Variants in TGM3 observed in about 807,000 individuals in gnomAD.
TGM3 encodes the protein protein-glutamine gamma-glutamyltransferase E.
Under a neutral mutation model 73.8 loss-of-function variants are expected in TGM3, and 52 were observed. The ratio of observed to expected loss-of-function variants is 0.70; its 90% CI spans 0.56 to 0.89. TGM3 has a LOEUF of 0.89. Ranked by LOEUF, TGM3 falls within the 40% of genes least tolerant of loss-of-function variation. The pLI is 0.00. For synonymous variants in TGM3, 372 were observed against 354.9 expected (o/e 1.05, Z -0.54); for missense variants, 928 against 909.9 (o/e 1.02, Z -0.26).
chr20:2,310,279 A>T lies in TGM3; in HGVS notation c.283A>T (p.Thr95Ser). The change falls in exon 3 of 13, where the codon ACT becomes TCT. Residue 95 changes from threonine to serine, a missense_variant. Thr to Ser is a moderately conservative substitution (Grantham distance 58). Transcript: ENST00000381458. ...SAVLQASNGN[T>S]LTISISSPAS... ...GGTGCTTCAGGCCAGCAATGGCAAT[A>T]CTCTGACTATCAGCATCTCCAGTCC... 6.2e-7 allele frequency: 1 copy of T among 1,614,150 alleles called. No homozygotes were observed. Among genetic ancestry groups the T allele is most frequent in the Non-Finnish European group, 8.5e-7 (1 of 1,180,016 alleles).
intron 1 of TGM3, among the ~76,000 whole-genome samples, chr20:2,299,019 C>T (rs1194658967): frequency 6.6e-6 from 1 of 152,064 alleles, no homozygotes; most frequent in Non-Finnish European, 1.5e-5. Flanking sequence ...CGTATTTCAG[C>T]GTTTGTTCCT....
chr20:2,329,740 C>T lies in TGM3; in HGVS notation c.1333+1375C>T, dbSNP rs548665165. Among the ~76,000 whole-genome samples the T allele has an allele frequency of 1.1e-3, 164 of 152,298 alleles. 1 individual carries two copies. The highest frequency in any genetic ancestry group is 3.8e-3 in the African/African-American group (156 of 41,560). ...AAGTTTCCTCTGATCTCTGAGCCCT[C>T]GCTTCCTCACCCGAAGAATGAGAAG... On this transcript the variant is annotated intron_variant, in intron 9 of 12. Transcript: ENST00000381458.
At chr20:2,319,600 T>A (rs542252981) in intron 7 of TGM3, among the ~76,000 whole-genome samples, 1 of 152,224 alleles carries the variant, frequency 6.6e-6, no homozygotes, top group Non-Finnish European at 1.5e-5. Flanking sequence ...TAGGAGCTGA[T>A]GGAGACATTC....
At chr20:2,310,060 G>A (rs2084194956) in intron 2 of TGM3, 118 bp from the exon 3 acceptor site, 1 of 1,473,014 alleles carries the variant, frequency 6.8e-7, no homozygotes, top group Non-Finnish European at 9.2e-7. Flanking sequence ...TACTTCCAGT[G>A]GTAGAATATG....
intron 1 of TGM3, among the ~76,000 whole-genome samples, chr20:2,297,246 T>C (rs214762): frequency 0.74 from 112,593 of 152,134 alleles, 43,563 homozygotes; most frequent in East Asian, 0.93. Context: ...CTTTCCACCA[T>C]GTCCTGCTGC....
At chr20:2,317,618 G>A (rs1204461858) in intron 7 of TGM3, 133 bp downstream of exon 7, 2 of 1,273,228 alleles carry the variant, frequency 1.6e-6, no homozygotes, top group East Asian at 2.4e-5. Flanking sequence ...GTGTAGAATG[G>A]AACTGCTGGC....
chr20:2,305,644 A>G (rs45446196), intron 1 of TGM3, among the ~76,000 whole-genome samples: 1 of 152,176 alleles, frequency 6.6e-6, no homozygotes, highest in South Asian at 2.1e-4. Flanking sequence ...AGTCTCGCAC[A>G]TCCCACAGCC....
intron 11 of TGM3, 98 bp downstream of exon 11, chr20:2,335,371 G>A (rs964016378): frequency 8.1e-5 from 119 of 1,473,226 alleles, no homozygotes; most frequent in Non-Finnish European, 1.1e-4. Context: ...TCTCCCAGAG[G>A]GCAAAGGAGA....
At chr20:2,306,975 T>C (rs2084179492) in intron 1 of TGM3, among the ~76,000 whole-genome samples, 1 of 152,198 alleles carries the variant, frequency 6.6e-6, no homozygotes, top group Non-Finnish European at 1.5e-5. Flanking sequence ...GGGCTGTCTC[T>C]GTTGGTTATT....
Position 2,309,772 on chromosome 20 carries a change from A to G in TGM3, c.123A>G (p.Leu41=). ...ILRRGQNFQV[L]MIMNKGLGSN... ...GGAGAGGCCAAAACTTCCAGGTCTTAATGATCATGAACAAAGGCCTTGGCT... is the reference window on the plus strand; with the variant it reads ...GGAGAGGCCAAAACTTCCAGGTCTTGATGATCATGAACAAAGGCCTTGGCT... The change falls in exon 2 of 13, where the codon TTA becomes TTG. Residue 41 remains leucine, a synonymous_variant. Transcript: ENST00000381458. The G allele has an allele frequency of 6.2e-7, 1 of 1,614,186 alleles. No individual in the cohort carries two copies. Among genetic ancestry groups the G allele is most frequent in the Non-Finnish European group, 8.5e-7 (1 of 1,180,030 alleles).
chr20:2,305,184 C>G (rs907578588), intron 1 of TGM3, among the ~76,000 whole-genome samples: 3 of 152,114 alleles, frequency 2.0e-5, no homozygotes, highest in Admixed American at 2.0e-4. Context: ...GTGATGAAAT[C>G]AACCTCCAGT....
Position 2,310,281 on chromosome 20 carries a change from TCTGA to T in TGM3, c.288_291del (p.Thr97SerfsTer11). 1.2e-6 allele frequency: 2 copies of T among 1,614,212 alleles called. No individual in the cohort carries two copies. Among genetic ancestry groups the T allele is most frequent in the Non-Finnish European group, 1.7e-6 (2 of 1,180,024 alleles). On this transcript the variant is annotated frameshift_variant, in exon 3 of 13. Transcript: ENST00000381458. LOFTEE classifies it high-confidence loss of function. Reference sequence around the variant, plus strand: ...TGCTTCAGGCCAGCAATGGCAATACTCTGACTATCAGCATCTCCAGTCCTGCCAG... The same window carrying T: ...TGCTTCAGGCCAGCAATGGCAATACTCTATCAGCATCTCCAGTCCTGCCAG...
intron 7 of TGM3, among the ~76,000 whole-genome samples, chr20:2,319,084 TG>T (rs2084250281): frequency 6.6e-6 from 1 of 152,244 alleles, no homozygotes; most frequent in Admixed American, 6.5e-5. Context: ...GGCCAGACTT[TG>T]TTTTCCAACT....
intron 1 of TGM3, 71 bp downstream of exon 1, chr20:2,296,141 G>C: frequency 6.5e-7 from 1 of 1,538,746 alleles, no homozygotes; most frequent in South Asian, 1.2e-5. Context: ...AGCCTGCCAA[G>C]CCAGAGTGTC....
intron 5 of TGM3, among the ~76,000 whole-genome samples, chr20:2,316,818 G>A (rs368767719): frequency 3.9e-5 from 6 of 152,178 alleles, no homozygotes; most frequent in East Asian, 1.9e-4. Flanking sequence ...CAGGAATGAC[G>A]TATGGATCAA....
At chr20:2,337,964 C>A (rs2084360299) in intron 11 of TGM3, among the ~76,000 whole-genome samples, 1 of 152,172 alleles carries the variant, frequency 6.6e-6, no homozygotes, top group South Asian at 2.1e-4. Context: ...TTAAATGACT[C>A]CTGATCTTCC....
At chr20:2,329,518 A>G (rs2084307869) in intron 9 of TGM3, among the ~76,000 whole-genome samples, 1 of 152,210 alleles carries the variant, frequency 6.6e-6, no homozygotes, top group African/African-American at 2.4e-5. Context: ...TCTGAGCCCC[A>G]TACTGAGTGC....
intron 4 of TGM3, among the ~76,000 whole-genome samples, chr20:2,312,466 C>T (rs2084210930): frequency 6.7e-6 from 1 of 150,082 alleles, no homozygotes; most frequent in African/African-American, 2.5e-5. Flanking sequence ...TGAGTTTGGC[C>T]TAATTATACA....
At chr20:2,335,013 C>T in intron 10 of TGM3, 103 bp from the exon 11 acceptor site, 3 of 1,438,568 alleles carry the variant, frequency 2.1e-6, no homozygotes, top group Non-Finnish European at 1.9e-6. Context: ...GGCTGCAGAT[C>T]CTCCCACCAG....
Sources: gnomAD v4.1 joint callset for allele counts (sites outside exome capture counted in the v4.1 genomes callset) on GRCh38, gnomAD v4.1.1 for gene constraint, MANE v1.5 for transcripts, NCBI Gene and HGNC (gene_info 2026-07-23, HGNC 2026-07-21) for gene names.